GALNT5: variants seen among roughly 807,000 people sequenced by gnomAD.
GALNT5 encodes UDP-GalNAc:polypeptide N-acetylgalactosaminyltransferase 5.
GALNT5 carries 72 observed loss-of-function variants against 85.4 expected under a neutral mutation model. The observed-to-expected ratio is 0.84, with a 90% CI of 0.70 to 1.03. The LOEUF is 1.03. GALNT5 is among the 50% of genes least tolerant of loss of function. The pLI, the probability that GALNT5 is intolerant of heterozygous loss-of-function variation, is 0.00. For synonymous variants in GALNT5, 404 were observed against 397.0 expected (o/e 1.02, Z -0.21); for missense variants, 1,137 against 1,135.5 (o/e 1.00, Z -0.02).
intron 8 of GALNT5, among the ~76,000 whole-genome samples, chr2:157,307,987 G>A (rs995864651): frequency 6.6e-6 from 1 of 152,134 alleles, no homozygotes; most frequent in African/African-American, 2.4e-5. Flanking sequence ...TGCCAACCTG[G>A]TAGCAACCTG....
intron 3 of GALNT5, among the ~76,000 whole-genome samples, chr2:157,294,270 C>T (rs1212210281): frequency 6.6e-6 from 1 of 152,116 alleles, no homozygotes; most frequent in Non-Finnish European, 1.5e-5. Context: ...TCCATTTTTC[C>T]CCCTGGAATG....
chr2:157,316,798 T>C lies in GALNT5; in HGVS notation c.*5450T>C, dbSNP rs889582906. Among the ~76,000 whole-genome samples, 13 of 152,090 alleles carry C rather than the reference T, an allele frequency of 8.5e-5. No individual in the cohort carries two copies. Among genetic ancestry groups the C allele is most frequent in the African/African-American group, 2.9e-4 (12 of 41,422 alleles). ...ACACTAAACAGATTTAATGCCTCTG[T>C]TTTCAACCTAATGGAACAATAGTTA... On this transcript the variant is annotated 3_prime_UTR_variant, in exon 10 of 10. Transcript: ENST00000259056.
chr2:157,269,994 TG>T (rs1445330742), intron 1 of GALNT5, among the ~76,000 whole-genome samples: 7 of 152,074 alleles, frequency 4.6e-5, no homozygotes, highest in Non-Finnish European at 8.8e-5. Context: ...TTAAAAAAAA[TG>T]TAACTGTGAA....
At chr2:157,292,600 C>A (rs1415921874) in intron 3 of GALNT5, among the ~76,000 whole-genome samples, 1 of 152,184 alleles carries the variant, frequency 6.6e-6, no homozygotes, top group Non-Finnish European at 1.5e-5. Flanking sequence ...GAAAGATAAT[C>A]CAGGCCCCTT....
intron 1 of GALNT5, among the ~76,000 whole-genome samples, chr2:157,260,962 T>C (rs1204109340): frequency 6.6e-6 from 1 of 152,180 alleles, no homozygotes; most frequent in Non-Finnish European, 1.5e-5. Context: ...TTGCCTGTGG[T>C]CACAAAGCTA....
chr2:157,272,937 C>T (rs1037379421), intron 1 of GALNT5, among the ~76,000 whole-genome samples: 5 of 152,146 alleles, frequency 3.3e-5, no homozygotes, highest in Non-Finnish European at 7.3e-5. Context: ...CTCCAAACTG[C>T]CTTCTACAGT....
Position 157,305,796 on chromosome 2 carries a change from A to T in GALNT5, c.2487A>T (p.Thr829=), listed in dbSNP as rs1485140389. The T allele has an allele frequency of 6.2e-7, 1 of 1,610,102 alleles. No individual in the cohort carries two copies. Among genetic ancestry groups the T allele is most frequent in the Non-Finnish European group, 8.5e-7 (1 of 1,176,606 alleles). Residue 829 remains threonine (T), a synonymous_variant, in exon 8 of 10, where the codon ACA becomes ACT. Coordinates refer to ENST00000259056, the MANE Select transcript of GALNT5 (RefSeq NM_014568.3). Reference sequence around the variant, plus strand: ...AATGCATTTCCATTGAAAACACTACAGTCATTCTGGAAGACTGCGATGGGA... The same window carrying T: ...AATGCATTTCCATTGAAAACACTACTGTCATTCTGGAAGACTGCGATGGGA... ...LGKCISIENT[T]VILEDCDGSK... is the part of the protein sequence containing the mutation.
intron 7 of GALNT5, among the ~76,000 whole-genome samples, chr2:157,302,845 T>A (rs1161906637): frequency 3.3e-5 from 5 of 152,244 alleles, no homozygotes; most frequent in Non-Finnish European, 5.9e-5. Flanking sequence ...AAATTCCTTC[T>A]ATTTTCCTTT....
intron 3 of GALNT5, among the ~76,000 whole-genome samples, chr2:157,291,076 T>C (rs931472488): frequency 1.3e-5 from 2 of 152,114 alleles, no homozygotes; most frequent in African/African-American, 4.8e-5. Context: ...TTGCCCACTA[T>C]ATGAAGCCAA....
chr2:157,302,542 G>A (rs1051335490), intron 7 of GALNT5: 3 of 149,974 alleles, frequency 2.0e-5, no homozygotes, highest in Admixed American at 1.3e-4. Flanking sequence ...AAATATAACT[G>A]TAAAATAAAT....
chr2:157,300,881 T>G lies in GALNT5; in HGVS notation c.2321T>G (p.Val774Gly), dbSNP rs1349874749. 1.2e-6 allele frequency: 2 copies of G among 1,613,834 alleles called. No homozygotes were observed. Among genetic ancestry groups the G allele is most frequent in the Non-Finnish European group, 1.7e-6 (2 of 1,179,902 alleles). ...GDHLIDQGLD[V>G]GNLTQQRELR... ...CACCTCATCGACCAAGGGCTAGATG[T>G]TGGCAACCTCACCCAGCAAAGGGAG... is the stretch of plus-strand genomic sequence containing the variant. Residue 774 changes from valine to glycine, a missense_variant, in exon 7 of 10, where the codon GTT becomes GGT. Coordinates refer to ENST00000259056, the MANE Select transcript of GALNT5 (RefSeq NM_014568.3).
chr2:157,268,150 T>G (rs1280430245), intron 1 of GALNT5, among the ~76,000 whole-genome samples: 1 of 152,166 alleles, frequency 6.6e-6, no homozygotes, highest in Non-Finnish European at 1.5e-5. Context: ...GGCTGAGACT[T>G]GACCCACATA....
chr2:157,284,147 T>C, intron 1 of GALNT5, 135 bp from the exon 2 acceptor site: 3 of 663,278 alleles, frequency 4.5e-6, no homozygotes, highest in Non-Finnish European at 7.9e-6. Flanking sequence ...TATAAATAGA[T>C]GATAGATAGA....
chr2:157,287,594 C>A (rs1031298467), intron 3 of GALNT5, among the ~76,000 whole-genome samples: 1 of 152,124 alleles, frequency 6.6e-6, no homozygotes, highest in African/African-American at 2.4e-5. Flanking sequence ...TTCAAGATTT[C>A]GTAATGTTTT....
chr2:157,280,264 G>A (rs1295573621), intron 1 of GALNT5, among the ~76,000 whole-genome samples: 1 of 152,208 alleles, frequency 6.6e-6, no homozygotes, highest in Non-Finnish European at 1.5e-5. Flanking sequence ...CTTGAGAGGA[G>A]ACATTTACCC....
chr2:157,308,417 A>G, intron 8 of GALNT5, 150 bp from the exon 9 acceptor site: 1 of 646,552 alleles, frequency 1.5e-6, no homozygotes, highest in Non-Finnish European at 2.7e-6. Flanking sequence ...TGCCCATACT[A>G]TCAGAATTAC....
At chr2:157,271,796 A>G (rs879467728) in intron 1 of GALNT5, among the ~76,000 whole-genome samples, 7 of 152,180 alleles carry the variant, frequency 4.6e-5, no homozygotes, top group Non-Finnish European at 1.0e-4. Context: ...TTTGGATATA[A>G]GTTAAGTCTG....
intron 1 of GALNT5, among the ~76,000 whole-genome samples, chr2:157,276,888 G>C (rs11898978): frequency 0.18 from 27,104 of 151,796 alleles, 5,544 homozygotes; most frequent in African/African-American, 0.5. Flanking sequence ...GCTCTTGCTT[G>C]TCTAGTTCTT....
At chr2:157,280,399 G>C (rs1008490825) in intron 1 of GALNT5, among the ~76,000 whole-genome samples, 2 of 152,164 alleles carry the variant, frequency 1.3e-5, no homozygotes, top group Non-Finnish European at 2.9e-5. Flanking sequence ...AGAGAGATTT[G>C]AGTGATTCAA....
Sources: allele counts gnomAD v4.1 joint callset (sites outside exome capture counted in the v4.1 genomes callset), GRCh38; gene constraint gnomAD v4.1.1; transcripts MANE v1.5; gene names NCBI Gene and HGNC (gene_info 2026-07-23, HGNC 2026-07-21).